ELP2: variants seen among roughly 807,000 people sequenced by gnomAD.
ELP2 encodes elongator complex protein 2.
Under a neutral mutation model 119.2 loss-of-function variants are expected in ELP2, and 90 were observed. The ratio of observed to expected loss-of-function variants is 0.75; its 90% CI spans 0.64 to 0.90. The LOEUF is 0.90. Ranked by LOEUF, ELP2 falls within the 40% of genes least tolerant of loss-of-function variation. The pLI is 0.00. For missense variants in ELP2, 921 were observed against 967.8 expected (o/e 0.95, Z 0.64); for synonymous variants, 339 against 331.0 (o/e 1.02, Z -0.26).
chr18:36,153,961 G>A (rs1206340975), intron 11 of ELP2, among the ~76,000 whole-genome samples: 1 of 151,628 alleles, frequency 6.6e-6, no homozygotes, highest in African/African-American at 2.4e-5. Flanking sequence ...GAAACTGTTA[G>A]TCCAAAAGTG....
intron 1 of ELP2, 116 bp from the exon 2 acceptor site, chr18:36,133,122 T>A: frequency 1.4e-6 from 1 of 738,986 alleles, no homozygotes; most frequent in Non-Finnish European, 2.4e-6. Flanking sequence ...CAAATCTGTT[T>A]GATGTAAACC....
intron 5 of ELP2, chr18:36,139,381 T>C (rs773336197): frequency 1.3e-4 from 196 of 1,518,978 alleles, no homozygotes; most frequent in Non-Finnish European, 1.7e-4. Context: ...ACAAAGATAA[T>C]AGCCAGTGTG....
At chr18:36,162,656 G>A (rs762095320) in intron 17 of ELP2, among the ~76,000 whole-genome samples, 15 of 152,110 alleles carry the variant, frequency 9.9e-5, no homozygotes, top group Admixed American at 6.5e-5. Flanking sequence ...GCTGTGTTCC[G>A]CAGTGGTTAT....
rs1335512953 is a variant in ELP2 at position 36,176,757 on chromosome 18, A to C, written c.*2116A>C. 1 of 152,222 alleles carries C rather than the reference A, an allele frequency of 6.6e-6. No homozygotes were observed. The highest frequency in any genetic ancestry group is 1.5e-5 in the Non-Finnish European group (1 of 68,044). The allele number at this position is 152,222 out of a possible 1,614,324, so 9.4% of individuals were successfully genotyped here. On this transcript the variant is annotated 3_prime_UTR_variant, in exon 22 of 22. Coordinates refer to ENST00000358232, the MANE Select transcript of ELP2 (RefSeq NM_018255.4). The stretch of plus-strand genomic sequence containing the variant: ...TTATTATGAATTGTAGTAATTCATA[A>C]TATTGAAGCGATTCATAATATCTGA...
intron 20 of ELP2, among the ~76,000 whole-genome samples, chr18:36,170,621 C>A (rs2091051361): frequency 6.6e-6 from 1 of 152,154 alleles, no homozygotes; most frequent in African/African-American, 2.4e-5. Flanking sequence ...GCCTGAGTTA[C>A]TGTCTTTTGC....
chr18:36,142,326 G>A lies in ELP2; in HGVS notation c.634G>A (p.Gly212Arg). ...SLCGHEDWIR[G>R]VEWAAFGRDL... ...CTGTGGACATGAGGATTGGATTAGA[G>A]GAGTGGAATGGGCAGCCTTTGGTCA... The change falls in exon 7 of 22, where the codon GGA (glycine) becomes AGA (arginine). Residue 212 changes from glycine (G) to arginine (R), a missense_variant. Transcript: ENST00000358232. 1.2e-6 allele frequency: 2 copies of A among 1,613,944 alleles called. No individual in the cohort carries two copies. Among genetic ancestry groups the A allele is most frequent in the Non-Finnish European group, 1.7e-6 (2 of 1,179,906 alleles).
chr18:36,130,127 C>A (rs1346276622), intron 1 of ELP2, 56 bp downstream of exon 1: 1 of 1,610,330 alleles, frequency 6.2e-7, no homozygotes, highest in African/African-American at 1.3e-5. Flanking sequence ...AACCTGTGGA[C>A]GTGCTCCGGG....
At chr18:36,139,346 C>T in intron 5 of ELP2, 6 of 1,394,148 alleles carry the variant, frequency 4.3e-6, no homozygotes, top group Non-Finnish European at 5.8e-6. Flanking sequence ...TGAAACCCAT[C>T]TGTATTTATC....
At chr18:36,166,004 A>G (rs2090883572) in intron 18 of ELP2, among the ~76,000 whole-genome samples, 1 of 151,974 alleles carries the variant, frequency 6.6e-6, no homozygotes, top group Admixed American at 6.6e-5. Flanking sequence ...AGCCTGGCCA[A>G]TATGGTGAAA....
At chr18:36,166,674 AC>A (rs1190857811) in intron 18 of ELP2, among the ~76,000 whole-genome samples, 2 of 152,038 alleles carry the variant, frequency 1.3e-5, no homozygotes, top group Non-Finnish European at 2.9e-5. Context: ...AAGGGCTAGA[AC>A]TTCCCTTACA....
At position 36,175,929 on chromosome 18, in the gene ELP2, G is replaced by A. The variant is rs1390247002; in HGVS notation, c.*1288G>A. On this transcript the variant is annotated 3_prime_UTR_variant, in exon 22 of 22. Transcript: ENST00000358232. Reference sequence around the variant, plus strand: ...TATTTAACATATTTTGCTTCCAAAGGGGTTAAGATGTTTTACCTAAATGGA... The same window carrying A: ...TATTTAACATATTTTGCTTCCAAAGAGGTTAAGATGTTTTACCTAAATGGA... 1 of 152,130 alleles carries A rather than the reference G, an allele frequency of 6.6e-6. No homozygotes were observed. The highest frequency in any genetic ancestry group is 1.5e-5 in the Non-Finnish European group (1 of 68,020). The allele number at this position is 152,130 out of a possible 1,614,324, so 9.4% of individuals were successfully genotyped here.
At chr18:36,146,127 C>A in intron 10 of ELP2, 79 bp downstream of exon 10, 3 of 1,570,746 alleles carry the variant, frequency 1.9e-6, no homozygotes, top group Non-Finnish European at 2.6e-6. Flanking sequence ...TATTGATAGA[C>A]CTGCAAATTT....
chr18:36,134,286 A>G (rs1470086981), intron 2 of ELP2, among the ~76,000 whole-genome samples: 1 of 152,322 alleles, frequency 6.6e-6, no homozygotes, highest in South Asian at 2.1e-4. Context: ...TCAAGAAGTT[A>G]TTCACAGTAT....
intron 12 of ELP2, 102 bp downstream of exon 12, chr18:36,155,101 C>T: frequency 2.1e-6 from 2 of 966,236 alleles, no homozygotes; most frequent in Admixed American, 1.9e-5. Flanking sequence ...CAGCCTCCGC[C>T]ACCCAGGTTC....
In ELP2 at chr18:36,174,704, C is replaced by A; in HGVS notation, c.*63C>A. On this transcript the variant is annotated 3_prime_UTR_variant, in exon 22 of 22. Transcript: ENST00000358232. Reference sequence around the variant, plus strand: ...TTAAAATATTATCATGTAAACAGGTCATCTTTACCTTCATAACTGAATTGA... The same window carrying A: ...TTAAAATATTATCATGTAAACAGGTAATCTTTACCTTCATAACTGAATTGA... The A allele has an allele frequency of 7.5e-6, 11 of 1,475,836 alleles. No individual in the cohort carries two copies. Among genetic ancestry groups the A allele is most frequent in the Non-Finnish European group, 1.0e-5 (11 of 1,060,634 alleles). 91.4% of individuals were successfully genotyped at this position (1,475,836 alleles called of 1,614,324 possible).
At chr18:36,170,732 A>G in intron 20 of ELP2, 1 of 396,414 alleles carries the variant, frequency 2.5e-6, no homozygotes, top group Non-Finnish European at 4.6e-6. Flanking sequence ...TTCTTACTTC[A>G]CCAAATCTAG....
At chr18:36,141,369 C>A in intron 6 of ELP2, 168 bp downstream of exon 6, 3 of 639,734 alleles carry the variant, frequency 4.7e-6, no homozygotes, top group Non-Finnish European at 8.5e-6. Context: ...CTACTCTGAA[C>A]ACCAAGTAAC....
intron 1 of ELP2, among the ~76,000 whole-genome samples, chr18:36,131,926 C>T (rs1180058932): frequency 7.8e-6 from 1 of 128,338 alleles, no homozygotes; most frequent in African/African-American, 2.9e-5. Flanking sequence ...ATTTGCTGGT[C>T]GGGCTTTTTT....
chr18:36,152,856 C>G (rs1328708431), intron 11 of ELP2, among the ~76,000 whole-genome samples: 1 of 152,202 alleles, frequency 6.6e-6, no homozygotes, highest in East Asian at 1.9e-4. Flanking sequence ...GCAAAGGTTC[C>G]CCAGGAAACT....
Sources: gnomAD v4.1 joint callset for allele counts (sites outside exome capture counted in the v4.1 genomes callset) on GRCh38, gnomAD v4.1.1 for gene constraint, MANE v1.5 for transcripts, NCBI Gene and HGNC (gene_info 2026-07-23, HGNC 2026-07-21) for gene names.